Variants in PCDH15 observed in about 807,000 individuals in gnomAD.
PCDH15 encodes protocadherin related 15.
Under a neutral mutation model 178.5 loss-of-function variants are expected in PCDH15, and 129 were observed. The ratio of observed to expected loss-of-function variants is 0.72; its 90% CI spans 0.63 to 0.84. PCDH15 has a LOEUF of 0.84. Among genes scored for constraint, PCDH15 ranks in the 40% least tolerant of loss-of-function variants. The pLI is 0.00. For missense variants in PCDH15, 2,230 were observed against 2,099.9 expected (o/e 1.06, Z -1.21); for synonymous variants, 800 against 732.0 (o/e 1.09, Z -1.50).
intron 1 of PCDH15, among the ~76,000 whole-genome samples, chr10:54,697,633 G>GAAGGAAGGAAGA (rs2095248990): frequency 1.1e-5 from 1 of 93,724 alleles, no homozygotes; most frequent in African/African-American, 4.1e-5. Flanking sequence ...GAAAAGGAAG[G>GAAGGAAGGAAGA]AAGGAAGGAA....
At chr10:54,804,159 C>T (rs1260000914), upstream of PCDH15, among the ~76,000 whole-genome samples, 2 of 152,094 alleles carry the variant, frequency 1.3e-5, no homozygotes, top group African/African-American at 4.8e-5. Context: ...CCTGCCTCAG[C>T]CTCCGGAGTA....
intron 2 of PCDH15, among the ~76,000 whole-genome samples, chr10:55,336,124 G>GA (rs748988261): frequency 0.036 from 2,152 of 59,268 alleles, 247 homozygotes; most frequent in Non-Finnish European, 0.045. Context: ...CTTGGTATTT[G>GA]AAAAAAAAAA....
chr10:54,107,009 C>T (rs1161210413), intron 15 of PCDH15, among the ~76,000 whole-genome samples: 2 of 152,122 alleles, frequency 1.3e-5, no homozygotes, highest in Non-Finnish European at 2.9e-5. Context: ...GATACCTTGC[C>T]TATCTTCCTT....
At chr10:55,412,879 TCACACA>T (rs71014485) in intron 2 of PCDH15, among the ~76,000 whole-genome samples, 3,065 of 134,726 alleles carry the variant, frequency 0.023, 81 homozygotes, top group African/African-American at 0.062. Context: ...TCAACAATAA[TCACACA>T]CACACACACA....
chr10:54,352,186 A>G (rs1389036395), intron 5 of PCDH15, among the ~76,000 whole-genome samples: 1 of 152,226 alleles, frequency 6.6e-6, no homozygotes, highest in African/African-American at 2.4e-5. Context: ...ATTTCTGAAT[A>G]CCTAAAATAG....
intron 1 of PCDH15, among the ~76,000 whole-genome samples, chr10:54,755,877 T>C (rs937545574): frequency 1.3e-5 from 2 of 152,176 alleles, no homozygotes; most frequent in African/African-American, 4.8e-5. Context: ...TTACAGTGCG[T>C]AGAGCACAAT....
At chr10:54,871,614 C>T (rs1954042736) in intron 3 of PCDH15, among the ~76,000 whole-genome samples, 1 of 151,940 alleles carries the variant, frequency 6.6e-6, no homozygotes, top group African/African-American at 2.4e-5. Context: ...GGTTTAGATA[C>T]ATATGTTTAG....
chr10:55,285,543 T>C (rs1186677036), intron 1 of PCDH15, among the ~76,000 whole-genome samples: 1 of 151,832 alleles, frequency 6.6e-6, no homozygotes, highest in African/African-American at 2.4e-5. Context: ...CTATAGGATG[T>C]TCATTTTTTT....
At chr10:54,013,560 T>C (rs1002253433) in intron 20 of PCDH15, among the ~76,000 whole-genome samples, 7 of 151,974 alleles carry the variant, frequency 4.6e-5, no homozygotes, top group African/African-American at 1.2e-4. Flanking sequence ...CCAACCACAC[T>C]CTCTGAACAT....
chr10:54,644,217 C>A (rs892463422), intron 2 of PCDH15, among the ~76,000 whole-genome samples: 1 of 150,914 alleles, frequency 6.6e-6, no homozygotes, highest in Non-Finnish European at 1.5e-5. Context: ...TCCTAACATA[C>A]TTTTATATAG....
At chr10:54,668,551 G>A (rs2094607491) in intron 1 of PCDH15, among the ~76,000 whole-genome samples, 1 of 152,060 alleles carries the variant, frequency 6.6e-6, no homozygotes, top group South Asian at 2.1e-4. Flanking sequence ...GTCTTTCACT[G>A]CCTTTCACTT....
At chr10:54,443,179 T>C (rs1456568236) in intron 3 of PCDH15, among the ~76,000 whole-genome samples, 1 of 151,642 alleles carries the variant, frequency 6.6e-6, no homozygotes, top group Non-Finnish European at 1.5e-5. Flanking sequence ...GCAGCAATTT[T>C]TTTTCCTTTC....
chr10:53,968,074 C>T (rs1225510169), intron 21 of PCDH15, among the ~76,000 whole-genome samples: 5 of 152,120 alleles, frequency 3.3e-5, no homozygotes, highest in Non-Finnish European at 7.3e-5. Context: ...CTGGGAAGCA[C>T]AAGGGGTTGT....
chr10:53,863,864 A>G (rs1362264442), intron 27 of PCDH15, among the ~76,000 whole-genome samples: 1 of 152,182 alleles, frequency 6.6e-6, no homozygotes, highest in African/African-American at 2.4e-5. Flanking sequence ...GCCAGAAAGA[A>G]GGCAAAGAAT....
chr10:54,723,107 G>A (rs1941913637), intron 1 of PCDH15, among the ~76,000 whole-genome samples: 1 of 151,458 alleles, frequency 6.6e-6, no homozygotes, highest in African/African-American at 2.4e-5. Context: ...AAGCAAAAAG[G>A]ACGAATCTAG....
At chr10:55,064,686 T>A (rs1040526799) in intron 2 of PCDH15, among the ~76,000 whole-genome samples, 3 of 152,058 alleles carry the variant, frequency 2.0e-5, no homozygotes, top group African/African-American at 7.2e-5. Flanking sequence ...AGACCTAGGA[T>A]GTCAAAAGCA....
intron 2 of PCDH15, among the ~76,000 whole-genome samples, chr10:55,565,985 A>G (rs540099267): frequency 6.6e-6 from 1 of 151,778 alleles, no homozygotes; most frequent in South Asian, 2.1e-4. Context: ...AACTCATTCT[A>G]TAAGACATCA....
At chr10:54,914,941 A>G (rs760265828) in intron 2 of PCDH15, among the ~76,000 whole-genome samples, 1 of 152,208 alleles carries the variant, frequency 6.6e-6, no homozygotes, top group Non-Finnish European at 1.5e-5. Flanking sequence ...AAAAGCAAAG[A>G]TACAATCTTA....
In PCDH15 at chr10:54,245,994, T is replaced by C. The variant is rs186707873; in HGVS notation, c.877-9063A>G. On this transcript the variant is annotated intron_variant, in intron 8 of 37. Transcript: ENST00000644397. ...TTATCACAATGTTATAATTATAAAT[T>C]CCAGGAAAAAAATTGATATTTTCAC... Among the ~76,000 whole-genome samples the C allele has an allele frequency of 8.5e-3, 1,286 of 152,004 alleles. 24 individuals carry two copies. Among genetic ancestry groups the C allele is most frequent in the African/African-American group, 0.03 (1,242 of 41,516 alleles).
Sources: allele counts gnomAD v4.1 joint callset (sites outside exome capture counted in the v4.1 genomes callset), GRCh38; gene constraint gnomAD v4.1.1; transcripts MANE v1.5; gene names NCBI Gene and HGNC (gene_info 2026-07-23, HGNC 2026-07-21).